The following FAM193A variants were observed in gnomAD, a reference collection of about 807,000 sequenced individuals.
FAM193A encodes family with sequence similarity 193 member A.
Under a neutral mutation model 126.5 loss-of-function variants are expected in FAM193A, and 22 were observed. The ratio of observed to expected loss-of-function variants is 0.17; its 90% CI spans 0.12 to 0.25. The LOEUF is 0.25. Ranked by LOEUF, FAM193A falls within the 10% of genes least tolerant of loss-of-function variation. The pLI, the probability that FAM193A is intolerant of heterozygous loss-of-function variation, is 1.00. For synonymous variants in FAM193A, 761 were observed against 646.8 expected (o/e 1.18, Z -2.68); for missense variants, 1,675 against 1,672.8 (o/e 1.00, Z -0.02).
chr4:2,687,626 G>C (rs1391548445), intron 13 of FAM193A, among the ~76,000 whole-genome samples: 1 of 152,182 alleles, frequency 6.6e-6, no homozygotes, highest in African/African-American at 2.4e-5. Context: ...GATAGCTCCA[G>C]AATTCCTCCT....
rs368065821 is a variant in FAM193A at position 2,604,732 on chromosome 4, T to A, written c.501+8403T>A. Among the ~76,000 whole-genome samples the A allele has an allele frequency of 5.1e-4, 78 of 151,836 alleles. 2 individuals are homozygous for A. The South Asian group carries it at 0.014, about 28-fold the overall frequency. On this transcript the variant is annotated intron_variant, in intron 2 of 20. Coordinates refer to ENST00000637812, the MANE Select transcript of FAM193A (RefSeq NM_001366318.2). ...TTTAGGTGTTCTTATGCAGTATATATAGAGGTAGACTTTACGTGGTTTTAA... is the reference window on the plus strand; with the variant it reads ...TTTAGGTGTTCTTATGCAGTATATAAAGAGGTAGACTTTACGTGGTTTTAA...
intron 19 of FAM193A, among the ~76,000 whole-genome samples, chr4:2,711,974 C>T (rs879824548): frequency 1.3e-5 from 2 of 152,000 alleles, no homozygotes; most frequent in South Asian, 2.1e-4. Flanking sequence ...TTCTTTCACT[C>T]GATAGTGTAA....
rs201512524 is a variant in FAM193A at position 2,624,505 on chromosome 4, C to CAT, written c.502-757_502-756insAT. Reference sequence around the variant, plus strand: ...GCAGGCAGTGCAGGCTATGGGATTCCCCAGGACGGAGAGGCCTCTGCCCCG... The same window carrying CAT: ...GCAGGCAGTGCAGGCTATGGGATTCCATCCAGGACGGAGAGGCCTCTGCCCCG... On this transcript the variant is annotated intron_variant, in intron 2 of 20. Transcript: ENST00000637812. Among the ~76,000 whole-genome samples, 703 of 152,236 alleles carry CAT rather than the reference C, an allele frequency of 4.6e-3. 4 individuals carry two copies. The highest frequency in any genetic ancestry group is 7.3e-3 in the Non-Finnish European group (499 of 68,024).
chr4:2,672,100 G>GTTTTT, intron 12 of FAM193A, 21 bp from the exon 13 acceptor site: 1 of 1,610,362 alleles, frequency 6.2e-7, no homozygotes, highest in Admixed American at 1.7e-5. Flanking sequence ...AAATAGGTAT[G>GTTTTT]TTTTTTTTCT....
At chr4:2,728,852 G>A (rs1721045837) in intron 20 of FAM193A, among the ~76,000 whole-genome samples, 1 of 144,720 alleles carries the variant, frequency 6.9e-6, no homozygotes, top group Admixed American at 7.0e-5. Flanking sequence ...TTAAATAGTG[G>A]TTACCCTAGA....
chr4:2,678,645 G>A (rs1010890585), intron 13 of FAM193A, among the ~76,000 whole-genome samples: 1 of 152,222 alleles, frequency 6.6e-6, no homozygotes. Flanking sequence ...TTACAGGCAT[G>A]AGCCACTGTG....
chr4:2,696,838 G>C (rs1010417668), intron 18 of FAM193A, among the ~76,000 whole-genome samples: 2 of 152,164 alleles, frequency 1.3e-5, no homozygotes, highest in African/African-American at 4.8e-5. Context: ...TTGTTCTTGT[G>C]CTGGCCATCA....
intron 1 of FAM193A, among the ~76,000 whole-genome samples, chr4:2,552,847 C>CTTTTTTTTTTT (rs5855745): frequency 1.7e-5 from 2 of 119,398 alleles, no homozygotes; most frequent in African/African-American, 3.3e-5. Flanking sequence ...ACAGAACTTT[C>CTTTTTTTTTTT]TTTTTTTTTT....
chr4:2,559,324 C>G (rs1578594640), intron 1 of FAM193A, among the ~76,000 whole-genome samples: 1 of 152,158 alleles, frequency 6.6e-6, no homozygotes, highest in Non-Finnish European at 1.5e-5. Flanking sequence ...TTGAAAAATT[C>G]CTCTAATTGT....
intron 20 of FAM193A, among the ~76,000 whole-genome samples, chr4:2,731,117 A>G (rs1721326522): frequency 1.3e-5 from 2 of 148,794 alleles, no homozygotes; most frequent in African/African-American, 2.5e-5. Flanking sequence ...AATCACTTCA[A>G]CGTGGGAGGC....
intron 19 of FAM193A, among the ~76,000 whole-genome samples, chr4:2,704,670 G>A (rs917867690): frequency 6.6e-5 from 10 of 152,330 alleles, no homozygotes; most frequent in Admixed American, 4.6e-4. Flanking sequence ...CCCACCAGCA[G>A]CATCTGAGTG....
At chr4:2,639,908 T>A (rs200098053) in intron 6 of FAM193A, 49 bp downstream of exon 6, 1 of 1,581,720 alleles carries the variant, frequency 6.3e-7, no homozygotes, top group Non-Finnish European at 8.6e-7. Context: ...CAGCACAGTC[T>A]TTTCTCCTGA....
At chr4:2,726,023 T>C (rs1720709096) in intron 20 of FAM193A, among the ~76,000 whole-genome samples, 1 of 152,204 alleles carries the variant, frequency 6.6e-6, no homozygotes, top group Non-Finnish European at 1.5e-5. Flanking sequence ...CTCAGGCTCC[T>C]GAGTAGCTGC....
chr4:2,590,743 G>A (rs1412245091), intron 1 of FAM193A, among the ~76,000 whole-genome samples: 3 of 151,666 alleles, frequency 2.0e-5, no homozygotes, highest in Admixed American at 6.6e-5. Context: ...AAGTGTAGAA[G>A]TTGGCCAGGC....
At chr4:2,541,655 A>G (rs1737240873) in intron 1 of FAM193A, among the ~76,000 whole-genome samples, 1 of 151,824 alleles carries the variant, frequency 6.6e-6, no homozygotes, top group Non-Finnish European at 1.5e-5. Flanking sequence ...CATGTTGGCT[A>G]GGATGGTTTC....
chr4:2,616,014 T>C (rs187117883), intron 2 of FAM193A, among the ~76,000 whole-genome samples: 1 of 152,306 alleles, frequency 6.6e-6, no homozygotes, highest in East Asian at 1.9e-4. Flanking sequence ...TTGCCCAGGC[T>C]GGTCTCGAAC....
chr4:2,552,847 CTTTT>C (rs5855745), intron 1 of FAM193A, among the ~76,000 whole-genome samples: 4 of 119,396 alleles, frequency 3.4e-5, no homozygotes, highest in Admixed American at 8.7e-5. Flanking sequence ...ACAGAACTTT[CTTTT>C]TTTTTTTTTT....
At chr4:2,611,517 A>G (rs1031784117) in intron 2 of FAM193A, among the ~76,000 whole-genome samples, 1 of 151,714 alleles carries the variant, frequency 6.6e-6, no homozygotes, top group Non-Finnish European at 1.5e-5. Flanking sequence ...CAGGTGATCC[A>G]CCCGCCTCAG....
chr4:2,721,125 A>G (rs1314594839), intron 20 of FAM193A, among the ~76,000 whole-genome samples: 3 of 152,074 alleles, frequency 2.0e-5, no homozygotes, highest in African/African-American at 7.2e-5. Flanking sequence ...CATCCTGGCT[A>G]ACACGGTGAA....
Sources: gnomAD v4.1 joint callset for allele counts (sites outside exome capture counted in the v4.1 genomes callset) on GRCh38, gnomAD v4.1.1 for gene constraint, MANE v1.5 for transcripts, NCBI Gene and HGNC (gene_info 2026-07-23, HGNC 2026-07-21) for gene names.